The following TOX3 variants were observed in gnomAD, a reference collection of about 807,000 sequenced individuals.
The protein encoded by TOX3 is CAG trinucleotide repeat-containing gene F9 protein.
A neutral mutation model predicts 64.3 loss-of-function variants in TOX3; 22 were observed. That is an observed-to-expected ratio of 0.34 (90% CI 0.24 to 0.49). The LOEUF is 0.49. Ranked by LOEUF, TOX3 falls within the 20% of genes least tolerant of loss-of-function variation. The pLI is 0.99. For missense variants in TOX3, 661 were observed against 714.4 expected (o/e 0.93, Z 0.85); for synonymous variants, 291 against 273.6 (o/e 1.06, Z -0.63).
intron 2 of TOX3, among the ~76,000 whole-genome samples, chr16:52,467,145 A>G (rs572294772): frequency 2.9e-4 from 44 of 152,356 alleles, no homozygotes; most frequent in Admixed American, 8.5e-4. Flanking sequence ...GAACTGTTGT[A>G]TCAACATATA....
intron 1 of TOX3, among the ~76,000 whole-genome samples, chr16:52,494,239 T>C (rs1289653299): frequency 6.6e-6 from 1 of 152,166 alleles, no homozygotes; most frequent in African/African-American, 2.4e-5. Flanking sequence ...GCAATTTAGC[T>C]CTTACTAGTG....
intron 1 of TOX3, among the ~76,000 whole-genome samples, chr16:52,477,643 C>G (rs914238018): frequency 6.6e-6 from 1 of 152,086 alleles, no homozygotes; most frequent in African/African-American, 2.4e-5. Context: ...AGAACAAGTT[C>G]AGCTTCCAGC....
intron 1 of TOX3, among the ~76,000 whole-genome samples, chr16:52,515,660 C>T (rs373805349): frequency 6.6e-5 from 10 of 152,286 alleles, no homozygotes; most frequent in African/African-American, 1.7e-4. Context: ...TTACTGCAAA[C>T]GATTTAAGAG....
At position 52,437,547 on chromosome 16, in the gene TOX3, A is replaced by G. The variant is rs1959784724; in HGVS notation, c.*1678T>C. ...AGACCTCTTCATTATAGCTTCTGACAGGACAGATGCTGTAATTAATCATGC... is the reference window on the plus strand; with the variant it reads ...AGACCTCTTCATTATAGCTTCTGACGGGACAGATGCTGTAATTAATCATGC... On this transcript the variant is annotated 3_prime_UTR_variant, in exon 7 of 7. Coordinates refer to ENST00000219746, the MANE Select transcript of TOX3 (RefSeq NM_001080430.4). 6.6e-6 allele frequency: 1 copy of G among 152,450 alleles called. No individual in the cohort carries two copies. Among genetic ancestry groups the G allele is most frequent in the Non-Finnish European group, 1.5e-5 (1 of 68,042 alleles). The allele number at this position is 152,450 out of a possible 1,614,324, so 9.4% of individuals were successfully genotyped here. A position where few individuals can be genotyped will look rare whatever the true frequency, so the allele number is the denominator to read the frequency against.
At chr16:52,451,622 C>T (rs953291351) in intron 3 of TOX3, among the ~76,000 whole-genome samples, 2 of 152,042 alleles carry the variant, frequency 1.3e-5, no homozygotes, top group Non-Finnish European at 2.9e-5. Context: ...TTAACTGTTC[C>T]TTTTTTGAGT....
At chr16:52,461,565 C>T (rs1023179113) in intron 3 of TOX3, among the ~76,000 whole-genome samples, 11 of 152,114 alleles carry the variant, frequency 7.2e-5, no homozygotes, top group African/African-American at 2.2e-4. Flanking sequence ...CGATGAAGCT[C>T]TGAAGAAAAG....
intron 4 of TOX3, among the ~76,000 whole-genome samples, chr16:52,449,927 A>T (rs1347865642): frequency 6.6e-6 from 1 of 152,256 alleles, no homozygotes. Flanking sequence ...ACATTAACTT[A>T]GAACCAGAGC....
chr16:52,516,904 A>C (rs957137703), intron 1 of TOX3, among the ~76,000 whole-genome samples: 2 of 152,120 alleles, frequency 1.3e-5, no homozygotes, highest in African/African-American at 4.8e-5. Context: ...TGTATGTAAC[A>C]TATCTGACTC....
intron 1 of TOX3, among the ~76,000 whole-genome samples, chr16:52,524,064 C>A (rs1048831342): frequency 6.6e-6 from 1 of 152,136 alleles, no homozygotes; most frequent in African/African-American, 2.4e-5. Context: ...TTGCATCTTT[C>A]TGCATTTACT....
Position 52,446,057 on chromosome 16 carries a change from G to A in TOX3, c.843C>T (p.Thr281=). ...CTACAATTTTTGAGACCTCTCCAAAGGTTGCATTGGGGTTTTGACCTTTAA... is the reference window on the plus strand; with the variant it reads ...CTACAATTTTTGAGACCTCTCCAAAAGTTGCATTGGGGTTTTGACCTTTAA... ...AAIKGQNPNA[T]FGEVSKIVAS... is the part of the protein sequence containing the mutation. Residue 281 remains threonine (T), a synonymous_variant, in exon 5 of 7, where the codon ACC becomes ACT. Transcript: ENST00000219746. 2 of 1,613,930 alleles carry A rather than the reference G, an allele frequency of 1.2e-6. No individual in the cohort carries two copies. The highest frequency in any genetic ancestry group is 1.7e-6 in the Non-Finnish European group (2 of 1,179,848).
At chr16:52,517,038 T>C (rs941283268) in intron 1 of TOX3, among the ~76,000 whole-genome samples, 1 of 152,150 alleles carries the variant, frequency 6.6e-6, no homozygotes, top group African/African-American at 2.4e-5. Context: ...CTATAAAGTA[T>C]GCATAAACAG....
intron 1 of TOX3, among the ~76,000 whole-genome samples, chr16:52,512,422 C>T (rs1250830194): frequency 6.6e-6 from 1 of 152,134 alleles, no homozygotes; most frequent in East Asian, 1.9e-4. Context: ...CAACATGAAC[C>T]TCTGTTTTCT....
chr16:52,476,037 A>G (rs1165978223), intron 1 of TOX3, among the ~76,000 whole-genome samples: 1 of 152,244 alleles, frequency 6.6e-6, no homozygotes, highest in East Asian at 1.9e-4. Context: ...GATAGAGCAC[A>G]GGCTGTTTTG....
At chr16:52,456,500 A>G (rs1960520420) in intron 3 of TOX3, among the ~76,000 whole-genome samples, 1 of 152,156 alleles carries the variant, frequency 6.6e-6, no homozygotes, top group Non-Finnish European at 1.5e-5. Flanking sequence ...TGGTTTCTGT[A>G]TGCCTTGGTG....
chr16:52,546,630 C>G lies in TOX3; in HGVS notation c.87+7G>C, dbSNP rs1195463854. ...CGCCCCCCGGCCCACCGGCCCAGCC[C>G]GGTCACCTTGCTGTAGCCGTAGTAC... On this transcript the variant is annotated splice_region_variant and intron_variant, in intron 1 of 6. Transcript: ENST00000219746. 9 of 1,538,972 alleles carry G rather than the reference C, an allele frequency of 5.8e-6. No homozygotes were observed. The highest frequency in any genetic ancestry group is 2.0e-5 in the Admixed American group (1 of 50,844).
At chr16:52,480,363 T>C (rs111981376) in intron 1 of TOX3, among the ~76,000 whole-genome samples, 143 of 152,336 alleles carry the variant, frequency 9.4e-4, no homozygotes, top group African/African-American at 3.2e-3. Flanking sequence ...TTATTTTCCT[T>C]GTACTGCCAG....
chr16:52,461,100 A>C (rs1339988578), intron 3 of TOX3, among the ~76,000 whole-genome samples: 6 of 152,182 alleles, frequency 3.9e-5, no homozygotes, highest in South Asian at 4.1e-4. Flanking sequence ...GTTAAAAAAA[A>C]ACACACACAA....
chr16:52,510,122 A>G (rs1008670245), intron 1 of TOX3, among the ~76,000 whole-genome samples: 1 of 151,552 alleles, frequency 6.6e-6, no homozygotes, highest in African/African-American at 2.4e-5. Flanking sequence ...AAGGGAAAGA[A>G]CAATGATATA....
intron 3 of TOX3, among the ~76,000 whole-genome samples, chr16:52,451,942 C>A (rs993293179): frequency 6.6e-6 from 1 of 152,022 alleles, no homozygotes; most frequent in East Asian, 1.9e-4. Flanking sequence ...GCTTGTCCTG[C>A]ATATTGTAGG....
Sources: gnomAD v4.1 joint callset for allele counts (sites outside exome capture counted in the v4.1 genomes callset) on GRCh38, gnomAD v4.1.1 for gene constraint, MANE v1.5 for transcripts, NCBI Gene and HGNC (gene_info 2026-07-23, HGNC 2026-07-21) for gene names.